The following CROCC2 variants were observed in gnomAD, a reference collection of about 807,000 sequenced individuals.
CROCC2 encodes the protein ciliary rootlet coiled-coil protein 2.
A neutral mutation model predicts 177.6 loss-of-function variants in CROCC2; 163 were observed. That is an observed-to-expected ratio of 0.92 (90% CI 0.81 to 1.05). CROCC2 has a LOEUF of 1.05. CROCC2 is among the 50% of genes least tolerant of loss of function. The pLI is 0.00. For missense variants in CROCC2, 1,929 were observed against 1,797.8 expected (o/e 1.07, Z -1.32); for synonymous variants, 904 against 787.3 (o/e 1.15, Z -2.48).
intron 17 of CROCC2, 108 bp from the exon 18 acceptor site, chr2:240,950,226 G>C: frequency 8.7e-7 from 1 of 1,147,028 alleles, no homozygotes; most frequent in Non-Finnish European, 1.2e-6. Flanking sequence ...GACAGCCCCT[G>C]GGGTCCATCA....
chr2:240,991,925 C>T (rs957881308), intron 31 of CROCC2, among the ~76,000 whole-genome samples: 3 of 152,212 alleles, frequency 2.0e-5, no homozygotes, highest in Non-Finnish European at 2.9e-5. Flanking sequence ...CCTCCGCATC[C>T]AGGAACTGCG....
In CROCC2 at chr2:240,958,590, C is replaced by T. The variant is rs970670343; in HGVS notation, c.2944-711C>T. 6 of 985,284 alleles carry T rather than the reference C, an allele frequency of 6.1e-6. No individual in the cohort carries two copies. Among genetic ancestry groups the T allele is most frequent in the Non-Finnish European group, 7.2e-6 (6 of 829,818 alleles). The allele number at this position is 985,284 out of a possible 1,614,324, so 61.0% of individuals were successfully genotyped here. On this transcript the variant is annotated intron_variant, in intron 19 of 31. Coordinates refer to ENST00000690015, the MANE Select transcript of CROCC2 (RefSeq NM_001351305.2). This position sits in a 1 kb window ranked among gnomAD's most constrained non-coding sequence, Gnocchi z 6.7. ...CCCCCACCAGCCGCCCCCCGCCAGC[C>T]GCCTGCTGCTGCCTGGAGGCTTGGT...
chr2:240,961,826 C>T (rs1473302591), intron 20 of CROCC2, among the ~76,000 whole-genome samples: 1 of 141,616 alleles, frequency 7.1e-6, no homozygotes, highest in Admixed American at 7.3e-5. Flanking sequence ...CTCACACACA[C>T]GCACGCACAC....
intron 10 of CROCC2, 119 bp from the exon 11 acceptor site, chr2:240,933,551 T>C: frequency 8.0e-7 from 1 of 1,248,412 alleles, no homozygotes; most frequent in East Asian, 2.6e-5. Flanking sequence ...CTTCTCAGGC[T>C]CCCTCTGCCC....
At chr2:240,956,734 G>A (rs904467167) in intron 19 of CROCC2, among the ~76,000 whole-genome samples, 7 of 152,210 alleles carry the variant, frequency 4.6e-5, no homozygotes, top group Non-Finnish European at 7.3e-5. Flanking sequence ...AGGACTCTGA[G>A]GCCTGTGCCT....
chr2:240,989,977 G>A, intron 30 of CROCC2, 144 bp downstream of exon 30: 1 of 744,242 alleles, frequency 1.3e-6, no homozygotes, highest in Non-Finnish European at 2.1e-6. Context: ...CTCCAGACCT[G>A]CTCCGGGCAC....
intron 24 of CROCC2, 94 bp from the exon 25 acceptor site, chr2:240,966,131 C>T (rs1401467964): frequency 7.9e-7 from 1 of 1,258,358 alleles, no homozygotes; most frequent in African/African-American, 1.5e-5. Context: ...GTCTCCCCAA[C>T]CTCCCATGGC....
chr2:240,988,788 C>A lies in CROCC2; in HGVS notation c.4601C>A (p.Ala1534Asp). 1.3e-6 allele frequency: 2 copies of A among 1,515,796 alleles called. No homozygotes were observed. Among genetic ancestry groups the A allele is most frequent in the Middle Eastern group, 1.7e-4 (1 of 5,846 alleles). 93.9% of individuals were successfully genotyped at this position (1,515,796 alleles called of 1,614,324 possible). A position where few individuals can be genotyped will look rare whatever the true frequency, so the allele number is the denominator to read the frequency against. ...KREEDVARLG[A>D]EKEQLDQSLN... ...GAGGAGGATGTGGCGAGGCTGGGGG[C>A]TGAGAAGGAGCAGCTGGACCAGTCT... Residue 1534 changes from alanine to aspartate, a missense_variant, in exon 29 of 32, where the codon GCT becomes GAT. Transcript: ENST00000690015.
Position 240,932,848 on chromosome 2 carries a change from C to G in CROCC2, c.1191C>G (p.Thr397=). The G allele has an allele frequency of 1.3e-6, 2 of 1,545,710 alleles. No homozygotes were observed. Among genetic ancestry groups the G allele is most frequent in the Non-Finnish European group, 1.7e-6 (2 of 1,144,794 alleles). The change falls in exon 9 of 32, where the codon ACC becomes ACG. Residue 397 remains threonine, a synonymous_variant. Coordinates refer to ENST00000690015, the MANE Select transcript of CROCC2 (RefSeq NM_001351305.2). The part of the protein sequence containing the change: ...ASPPHICSPA[T]LDPALQAMRA... The stretch of plus-strand genomic sequence containing the variant: ...CACCACACATCTGCTCCCCAGCCAC[C>G]CTGGACCCCGCACTGCAGGCCATGC...
At chr2:240,970,266 T>G (rs1015082297) in intron 27 of CROCC2, among the ~76,000 whole-genome samples, 4 of 152,258 alleles carry the variant, frequency 2.6e-5, no homozygotes, top group Non-Finnish European at 5.9e-5. Flanking sequence ...CTGTGACTGC[T>G]GTTTGTCTTC....
At chr2:240,975,742 T>G (rs868095720) in intron 27 of CROCC2, among the ~76,000 whole-genome samples, 2,834 of 145,486 alleles carry the variant, frequency 0.019, 110 homozygotes, top group African/African-American at 0.071. Context: ...TTTTTTTTTT[T>G]TTTTGAGACA....
chr2:240,962,156 C>T (rs913133336), intron 20 of CROCC2, among the ~76,000 whole-genome samples: 25 of 152,152 alleles, frequency 1.6e-4, no homozygotes, highest in Admixed American at 7.9e-4. Context: ...TCTGGAGCTG[C>T]CTCCCTGTAG....
chr2:240,991,335 G>A (rs1322590669), intron 31 of CROCC2, 57 bp downstream of exon 31: 1 of 1,470,094 alleles, frequency 6.8e-7, no homozygotes, highest in Non-Finnish European at 9.2e-7. Context: ...TGACTGGCCA[G>A]GGGCAGGCGG....
chr2:240,933,978 C>A lies in CROCC2; in HGVS notation c.1646+126C>A, dbSNP rs1049425753. ...CCTGTCTCATCTCAGGGTGTGGTGG[C>A]CCTAACAGGGCAGGGGCGGGGGCTC... On this transcript the variant is annotated intron_variant, in intron 11 of 31. Coordinates refer to ENST00000690015, the MANE Select transcript of CROCC2 (RefSeq NM_001351305.2). The A allele has an allele frequency of 3.5e-5, 38 of 1,095,958 alleles. No homozygotes were observed. The African/African-American group carries it at 5.8e-4, about 17-fold the overall frequency. The allele number at this position is 1,095,958 out of a possible 1,614,324, so 67.9% of individuals were successfully genotyped here. A position where few individuals can be genotyped will look rare whatever the true frequency, so the allele number is the denominator to read the frequency against.
At position 240,959,422 on chromosome 2, in the gene CROCC2, A is replaced by T. The variant is rs1359860340; in HGVS notation, c.3065A>T (p.Glu1022Val). The change falls in exon 20 of 32, where the codon GAG becomes GTG. Residue 1022 changes from glutamate to valine, a missense_variant. By Grantham distance (121) the Glu-to-Val change is moderately radical. This residue lies in a region of CROCC2 where 1,397 missense variants were observed against 1,239.9 expected (regional missense o/e 1.13). Transcript: ENST00000690015. Reference sequence around the variant, plus strand: ...GAGAGCCTCCAGGACCTAGCGGCTGAGCGGGGCGATGTGGAGAGAGAGGTG... The same window carrying T: ...GAGAGCCTCCAGGACCTAGCGGCTGTGCGGGGCGATGTGGAGAGAGAGGTG... ...LRESLQDLAA[E>V]RGDVEREAER... 4.3e-5 allele frequency: 66 copies of T among 1,550,224 alleles called. No homozygotes were observed. The highest frequency in any genetic ancestry group is 5.7e-5 in the Non-Finnish European group (65 of 1,146,864).
chr2:240,968,395 C>A, intron 27 of CROCC2, 133 bp downstream of exon 27: 1 of 1,218,800 alleles, frequency 8.2e-7, no homozygotes, highest in Non-Finnish European at 1.1e-6. Context: ...TGTGGGTGTT[C>A]GGGGCTGGAG....
chr2:240,967,340 C>G lies in CROCC2; in HGVS notation c.4147-5C>G. 1 of 703,178 alleles carries G rather than the reference C, an allele frequency of 1.4e-6. No homozygotes were observed. The highest frequency in any genetic ancestry group is 2.6e-6 in the Non-Finnish European group (1 of 378,832). The allele number at this position is 703,178 out of a possible 1,614,324, so 43.6% of individuals were successfully genotyped here. A position where few individuals can be genotyped will look rare whatever the true frequency, so the allele number is the denominator to read the frequency against. On this transcript the variant is annotated splice_region_variant and splice_polypyrimidine_tract_variant and intron_variant, in intron 25 of 31. Transcript: ENST00000690015. ...GCCCCCGCTGACCTCAGTCCTTCTG[C>G]CCAGGATGACTCCCGCATCCAGATG...
rs2059570476 is a variant in CROCC2, at chr2:240,953,554, G to C, written c.2830-2305G>C. Among the ~76,000 whole-genome samples the C allele has an allele frequency of 6.6e-6, 1 of 152,172 alleles. No individual in the cohort carries two copies. Among genetic ancestry groups the C allele is most frequent in the South Asian group, 2.1e-4 (1 of 4,834 alleles). ...ACAGCACAGACGGGCTGGCCTGTGGGGAGCCCTTGCCGGTGCAGCAAGTGA... is the reference window on the plus strand; with the variant it reads ...ACAGCACAGACGGGCTGGCCTGTGGCGAGCCCTTGCCGGTGCAGCAAGTGA... On this transcript the variant is annotated intron_variant, in intron 18 of 31. Coordinates refer to ENST00000690015, the MANE Select transcript of CROCC2 (RefSeq NM_001351305.2). This position sits in a 1 kb window ranked among gnomAD's most constrained non-coding sequence, Gnocchi z 4.0.
At position 240,925,883 on chromosome 2, in the gene CROCC2, G is replaced by A. The variant is rs2059392742; in HGVS notation, c.645+3G>A. On this transcript the variant is annotated splice_donor_region_variant and intron_variant, in intron 5 of 31. Transcript: ENST00000690015. ...TGAGGCGCTGGGCCCAGAGACAGGT[G>A]CTCCCCCAACCCTTGCTCACCTCAT... 1.4e-6 allele frequency: 1 copy of A among 711,108 alleles called. No homozygotes were observed. The highest frequency in any genetic ancestry group is 2.6e-6 in the Non-Finnish European group (1 of 382,596). The allele number at this position is 711,108 out of a possible 1,614,324, so 44.0% of individuals were successfully genotyped here.
Sources: gnomAD v4.1 joint callset for allele counts (sites outside exome capture counted in the v4.1 genomes callset) on GRCh38, gnomAD v4.1.1 for gene constraint, gnomAD v4.1.1 regional missense constraint, Gnocchi (gnomAD v3.1) non-coding constraint, MANE v1.5 for transcripts, NCBI Gene and HGNC (gene_info 2026-07-23, HGNC 2026-07-21) for gene names.